Variants in PDE10A observed in about 807,000 individuals in gnomAD.
PDE10A encodes cAMP and cAMP-inhibited cGMP 3',5'-cyclic phosphodiesterase 10A.
A neutral mutation model predicts 97.7 loss-of-function variants in PDE10A; 39 were observed. The observed-to-expected ratio is 0.40, with a 90% CI of 0.31 to 0.52. The LOEUF (loss-of-function observed/expected upper bound fraction) is 0.52, where lower values mean the gene tolerates loss of function less well. Ranked by LOEUF, PDE10A falls within the 20% of genes least tolerant of loss-of-function variation. The probability of loss-of-function intolerance (pLI) is 0.56; values close to 1 mark genes in which losing one functional copy is unlikely to be tolerated. For synonymous variants in PDE10A, 371 were observed against 376.8 expected, an observed-to-expected ratio of 0.98 and a Z score of 0.18; for missense variants, 731 against 1,047.8, an observed-to-expected ratio of 0.70 and a Z score of 4.17.
chr6:165,977,719 A>T (rs534301294), intron 1 of PDE10A, among the ~76,000 whole-genome samples: 13 of 152,356 alleles, frequency 8.5e-5, no homozygotes, highest in Non-Finnish European at 1.6e-4. Flanking sequence ...ACAAATTATT[A>T]AAATAAAAAG....
At chr6:165,404,099 T>C (rs918511741) in intron 13 of PDE10A, among the ~76,000 whole-genome samples, 57 of 152,254 alleles carry the variant, frequency 3.7e-4, no homozygotes, top group African/African-American at 1.3e-3. Context: ...AATATAAATA[T>C]CTGAGGTGAC....
intron 18 of PDE10A, among the ~76,000 whole-genome samples, chr6:165,373,274 C>T (rs940012788): frequency 6.6e-6 from 1 of 151,742 alleles, no homozygotes; most frequent in African/African-American, 2.4e-5. Flanking sequence ...AAAGAAACTA[C>T]CATCAGAGTG....
intron 5 of PDE10A, among the ~76,000 whole-genome samples, chr6:165,437,590 A>G (rs1346992586): frequency 1.3e-5 from 2 of 152,216 alleles, no homozygotes; most frequent in African/African-American, 2.4e-5. Flanking sequence ...TATAGTGGAA[A>G]CTTTATACTT....
At position 165,480,154 on chromosome 6, in the gene PDE10A, A is replaced by AAGATGTTTTACT. The variant is rs554194953; in HGVS notation, c.1023+2149_1023+2160dup. 2.5e-3 allele frequency among the ~76,000 whole-genome samples: 386 copies of AAGATGTTTTACT among 152,338 alleles called. 2 individuals carry two copies. Among genetic ancestry groups the AAGATGTTTTACT allele is most frequent in the African/African-American group, 9.1e-3 (378 of 41,576 alleles). On this transcript the variant is annotated intron_variant, in intron 3 of 21. Coordinates refer to ENST00000539869, the MANE Select transcript of PDE10A (RefSeq NM_001385079.1). The stretch of plus-strand genomic sequence containing the variant: ...ATATGGAAAATAAAGTTTAGAAACT[A>AAGATGTTTTACT]AGATGTTTTACTAGAAAAGACATAA...
At chr6:165,832,723 T>C (rs1289463218) in intron 1 of PDE10A, among the ~76,000 whole-genome samples, 1 of 152,252 alleles carries the variant, frequency 6.6e-6, no homozygotes, top group Non-Finnish European at 1.5e-5. Flanking sequence ...TGGCAATGAC[T>C]GATACACTTA....
intron 2 of PDE10A, among the ~76,000 whole-genome samples, chr6:165,543,191 T>C (rs147393772): frequency 2.6e-5 from 4 of 152,342 alleles, no homozygotes; most frequent in African/African-American, 4.8e-5. Context: ...TTTTTCAATA[T>C]GGTTGTAACT....
chr6:165,396,339 G>C lies in PDE10A; in HGVS notation c.2197C>G (p.Arg733Gly), dbSNP rs777040046. The stretch of plus-strand genomic sequence containing the variant: ...TACAATTCAATTTCTTTGCAGAGAC[G>C]CACGGGAAGGGTGAATTGCATGAGA... ...QGLMQFTLPV[R>G]LCKEIELFHF... Residue 733 changes from arginine to glycine, a missense_variant, in exon 14 of 22, where the codon CGT (arginine) becomes GGT (glycine). Coordinates refer to ENST00000539869, the MANE Select transcript of PDE10A (RefSeq NM_001385079.1). 6.2e-7 allele frequency: 1 copy of C among 1,612,600 alleles called. No homozygotes were observed. The highest frequency in any genetic ancestry group is 8.5e-7 in the Non-Finnish European group (1 of 1,179,230).
intron 1 of PDE10A, among the ~76,000 whole-genome samples, chr6:165,745,262 T>C (rs1425199686): frequency 6.6e-6 from 1 of 152,218 alleles, no homozygotes; most frequent in Non-Finnish European, 1.5e-5. Context: ...TGTTAGCTAC[T>C]TGTATTATCC....
chr6:165,928,274 T>G (rs1454510373), intron 1 of PDE10A, among the ~76,000 whole-genome samples: 1 of 152,150 alleles, frequency 6.6e-6, no homozygotes, highest in African/African-American at 2.4e-5. Context: ...GATCTTAAAG[T>G]TACCTTGCAT....
At chr6:165,831,804 T>TA (rs1212332786) in intron 1 of PDE10A, among the ~76,000 whole-genome samples, 2 of 152,068 alleles carry the variant, frequency 1.3e-5, no homozygotes, top group Non-Finnish European at 2.9e-5. Context: ...ATTTCCTTAG[T>TA]AAAAGACTCC....
chr6:165,472,659 T>C (rs1005409778), intron 3 of PDE10A, among the ~76,000 whole-genome samples: 1 of 152,142 alleles, frequency 6.6e-6, no homozygotes, highest in African/African-American at 2.4e-5. Flanking sequence ...CAGATTAGAA[T>C]GTCAAATTAG....
chr6:165,676,914 C>A (rs891004995), intron 1 of PDE10A, among the ~76,000 whole-genome samples: 1 of 152,238 alleles, frequency 6.6e-6, no homozygotes, highest in African/African-American at 2.4e-5. Context: ...GCTGGGGCCT[C>A]CAGGGCCAGC....
chr6:165,532,775 C>G (rs1220988747), intron 2 of PDE10A, among the ~76,000 whole-genome samples: 1 of 152,166 alleles, frequency 6.6e-6, no homozygotes, highest in African/African-American at 2.4e-5. Context: ...TTCAACCACT[C>G]CAAGAAAACA....
chr6:165,394,921 T>C (rs774588862), intron 15 of PDE10A, among the ~76,000 whole-genome samples: 8 of 152,216 alleles, frequency 5.3e-5, no homozygotes, highest in Non-Finnish European at 1.0e-4. Context: ...CTCTAGCCTC[T>C]GTTTTTATGA....
At chr6:165,533,243 T>C (rs935755727) in intron 2 of PDE10A, among the ~76,000 whole-genome samples, 6 of 152,198 alleles carry the variant, frequency 3.9e-5, no homozygotes, top group Admixed American at 1.3e-4. Context: ...TATACAGTAA[T>C]ATGTCACTTA....
chr6:165,886,856 C>A (rs1219938132), intron 1 of PDE10A, among the ~76,000 whole-genome samples: 1 of 152,180 alleles, frequency 6.6e-6, no homozygotes, highest in Non-Finnish European at 1.5e-5. Flanking sequence ...TAAGCATGAG[C>A]TCACACTGGG....
intron 1 of PDE10A, among the ~76,000 whole-genome samples, chr6:165,916,282 T>A (rs1454974128): frequency 2.0e-5 from 3 of 152,362 alleles, no homozygotes; most frequent in African/African-American, 7.2e-5. Flanking sequence ...TGAAACTTCA[T>A]GACCTAATTC....
chr6:165,606,571 C>T (rs1015299349), intron 1 of PDE10A, among the ~76,000 whole-genome samples: 1 of 152,108 alleles, frequency 6.6e-6, no homozygotes, highest in African/African-American at 2.4e-5. Context: ...AAGCAACTCA[C>T]ATCATAAACT....
At chr6:165,427,221 T>C (rs538276143) in intron 10 of PDE10A, among the ~76,000 whole-genome samples, 1 of 152,228 alleles carries the variant, frequency 6.6e-6, no homozygotes, top group South Asian at 2.1e-4. Context: ...CAAATGTCTA[T>C]CAACTGATGA....
Sources: gnomAD v4.1 joint callset for allele counts (sites outside exome capture counted in the v4.1 genomes callset) on GRCh38, gnomAD v4.1.1 for gene constraint, MANE v1.5 for transcripts, NCBI Gene and HGNC (gene_info 2026-07-23, HGNC 2026-07-21) for gene names.